GALNT17: variants seen among roughly 807,000 people sequenced by gnomAD.
GALNT17 encodes UDP-GalNAc:polypeptide N-acetylgalactosaminyltransferase-like 3.
Under a neutral mutation model 63.7 loss-of-function variants are expected in GALNT17, and 29 were observed. The observed-to-expected ratio is 0.46, with a 90% CI of 0.34 to 0.62. The LOEUF is 0.62. Ranked by LOEUF, GALNT17 falls within the 20% of genes least tolerant of loss-of-function variation. The probability of loss-of-function intolerance (pLI) is 0.01; values close to 1 mark genes in which losing one functional copy is unlikely to be tolerated. For missense variants in GALNT17, 603 were observed against 799.6 expected, an observed-to-expected ratio of 0.75 and a Z score of 2.97; for synonymous variants, 305 against 318.3, an observed-to-expected ratio of 0.96 and a Z score of 0.45.
intron 5 of GALNT17, among the ~76,000 whole-genome samples, chr7:71,545,513 G>A (rs1435157068): frequency 6.6e-6 from 1 of 152,016 alleles, no homozygotes; most frequent in Non-Finnish European, 1.5e-5. Context: ...CACCACGCCT[G>A]GCTAATTTTT....
intron 6 of GALNT17, among the ~76,000 whole-genome samples, chr7:71,628,293 G>A (rs779374566): frequency 6.6e-6 from 1 of 152,040 alleles, no homozygotes; most frequent in Non-Finnish European, 1.5e-5. Context: ...ACATAAATTT[G>A]CTCTATTGAA....
intron 1 of GALNT17, among the ~76,000 whole-genome samples, chr7:71,218,660 C>G (rs1378644115): frequency 6.6e-6 from 1 of 152,110 alleles, no homozygotes; most frequent in African/African-American, 2.4e-5. Context: ...GTATTTACAG[C>G]TGCTCCCCAT....
At chr7:71,237,725 C>A (rs1789921288) in intron 1 of GALNT17, among the ~76,000 whole-genome samples, 1 of 151,948 alleles carries the variant, frequency 6.6e-6, no homozygotes, top group Non-Finnish European at 1.5e-5. Flanking sequence ...AAATAGCCAG[C>A]CCCAGCACAG....
chr7:71,218,598 A>G (rs1374461370), intron 1 of GALNT17, among the ~76,000 whole-genome samples: 1 of 152,104 alleles, frequency 6.6e-6, no homozygotes, highest in African/African-American at 2.4e-5. Flanking sequence ...CCTGTTAGGA[A>G]CCTGGCCTCA....
intron 3 of GALNT17, among the ~76,000 whole-genome samples, chr7:71,400,759 A>G (rs533278269): frequency 2.0e-5 from 3 of 152,342 alleles, no homozygotes; most frequent in African/African-American, 7.2e-5. Context: ...ATTATTTAAT[A>G]TTTGGAAACA....
chr7:71,345,479 A>C (rs1792074709), intron 2 of GALNT17, among the ~76,000 whole-genome samples: 2 of 152,178 alleles, frequency 1.3e-5, no homozygotes, highest in African/African-American at 4.8e-5. Flanking sequence ...AACAAATTCT[A>C]ACCCATTTTA....
At chr7:71,532,514 G>A (rs1788737094) in intron 5 of GALNT17, among the ~76,000 whole-genome samples, 1 of 152,154 alleles carries the variant, frequency 6.6e-6, no homozygotes, top group Non-Finnish European at 1.5e-5. Flanking sequence ...AGTTCTTAGG[G>A]AGATGACACG....
intron 1 of GALNT17, among the ~76,000 whole-genome samples, chr7:71,186,776 C>A (rs1373253838): frequency 6.6e-6 from 1 of 152,194 alleles, no homozygotes; most frequent in Non-Finnish European, 1.5e-5. Context: ...CCTGTACAAA[C>A]CAACTCAGCT....
chr7:71,534,184 G>A (rs1343457083), intron 5 of GALNT17, among the ~76,000 whole-genome samples: 2 of 152,146 alleles, frequency 1.3e-5, no homozygotes, highest in Non-Finnish European at 2.9e-5. Flanking sequence ...CCGCAGTTCA[G>A]CATGGCTGGG....
intron 5 of GALNT17, among the ~76,000 whole-genome samples, chr7:71,553,351 C>T (rs1361967618): frequency 6.6e-6 from 1 of 151,768 alleles, no homozygotes; most frequent in African/African-American, 2.4e-5. Flanking sequence ...AATTTTCCAG[C>T]TTTTTTAGTT....
At chr7:71,307,473 A>T (rs1265517873) in intron 1 of GALNT17, among the ~76,000 whole-genome samples, 5 of 151,898 alleles carry the variant, frequency 3.3e-5, no homozygotes, top group African/African-American at 1.2e-4. Flanking sequence ...GGAAACTCAC[A>T]ATCTGTTGGA....
At chr7:71,427,170 C>T (rs890677449) in intron 5 of GALNT17, among the ~76,000 whole-genome samples, 4 of 150,672 alleles carry the variant, frequency 2.7e-5, no homozygotes, top group Admixed American at 6.6e-5. Context: ...ACCTCCACCT[C>T]CCAGGTTGAA....
At chr7:71,148,024 A>C (rs1788056937) in intron 1 of GALNT17, among the ~76,000 whole-genome samples, 1 of 152,192 alleles carries the variant, frequency 6.6e-6, no homozygotes, top group South Asian at 2.1e-4. Context: ...CTCTTATGGT[A>C]CTTTCAGTGG....
chr7:71,542,334 AT>A, intron 5 of GALNT17, among the ~76,000 whole-genome samples: 1 of 152,214 alleles, frequency 6.6e-6, no homozygotes, highest in East Asian at 1.9e-4. Context: ...ATTTATTGGA[AT>A]TTAAAAAAAA....
intron 1 of GALNT17, among the ~76,000 whole-genome samples, chr7:71,327,045 G>A (rs1791716939): frequency 6.6e-6 from 1 of 152,122 alleles, no homozygotes; most frequent in Admixed American, 6.5e-5. Flanking sequence ...CCTGAAGCTG[G>A]TTCTCCAGAT....
chr7:71,329,685 C>A (rs1791769156), intron 1 of GALNT17, among the ~76,000 whole-genome samples: 1 of 152,014 alleles, frequency 6.6e-6, no homozygotes. Flanking sequence ...GGAAGTGCTA[C>A]ACACTTTTAA....
At chr7:71,257,797 G>A (rs1211082464) in intron 1 of GALNT17, among the ~76,000 whole-genome samples, 6 of 152,080 alleles carry the variant, frequency 3.9e-5, no homozygotes, top group Non-Finnish European at 8.8e-5. Flanking sequence ...TGAGTTTTAG[G>A]GGCACTTGTA....
intron 5 of GALNT17, among the ~76,000 whole-genome samples, chr7:71,458,295 C>A (rs573048234): frequency 2.0e-5 from 3 of 152,152 alleles, no homozygotes; most frequent in Non-Finnish European, 2.9e-5. Context: ...TCTCACCCCC[C>A]TTGCAGGATG....
chr7:71,528,053 A>T (rs2116771262), intron 5 of GALNT17, among the ~76,000 whole-genome samples: 1 of 152,352 alleles, frequency 6.6e-6, no homozygotes. Context: ...CTTGAAACTT[A>T]GCCATTCCAG....
Sources: gnomAD v4.1 joint callset for allele counts (sites outside exome capture counted in the v4.1 genomes callset) on GRCh38, gnomAD v4.1.1 for gene constraint, MANE v1.5 for transcripts, NCBI Gene and HGNC (gene_info 2026-07-23, HGNC 2026-07-21) for gene names.